Variants in ACYP2 observed in about 807,000 individuals in gnomAD.
ACYP2 encodes acylphosphatase 2.
A neutral mutation model predicts 11.2 loss-of-function variants in ACYP2; 12 were observed. The ratio of observed to expected loss-of-function variants is 1.08; its 90% confidence interval spans 0.69 to 1.74. ACYP2 has a LOEUF of 1.74. Ranked by LOEUF, ACYP2 falls within the 40% of genes most tolerant of loss-of-function variation. The probability of loss-of-function intolerance (pLI) is 0.00; values close to 1 mark genes in which losing one functional copy is unlikely to be tolerated. For missense variants in ACYP2, 134 were observed against 101.9 expected, an observed-to-expected ratio of 1.31 and a Z score of -1.35; for synonymous variants, 43 against 32.2, an observed-to-expected ratio of 1.33 and a Z score of -1.13.
intron 6 of ACYP2, among the ~76,000 whole-genome samples, chr2:54,226,607 C>G (rs2103959293): frequency 6.6e-6 from 1 of 152,292 alleles, no homozygotes; most frequent in East Asian, 1.9e-4. Context: ...GTAATCAATC[C>G]TTAAGTGAAA....
rs903313206 is a variant in ACYP2 at position 54,251,571 on chromosome 2, A to G, written c.405-53117A>G. On this transcript the variant is annotated intron_variant, in intron 6 of 6. Coordinates refer to ENST00000607452, the MANE Select transcript of ACYP2 (RefSeq NM_001320586.2). ...ACCATCTCTTACTTCCTTCCAATCAATAGGTACTTACCACCCTAAAAGTTT... is the reference window on the plus strand; with the variant it reads ...ACCATCTCTTACTTCCTTCCAATCAGTAGGTACTTACCACCCTAAAAGTTT... Among the ~76,000 whole-genome samples the G allele has an allele frequency of 5.9e-5, 8 of 134,858 alleles. No homozygotes were observed. In the South Asian group the frequency reaches 1.3e-3, roughly 22 times the overall value. 88.5% of individuals were successfully genotyped at this position (134,858 alleles called of 152,430 possible).
chr2:54,226,250 A>G (rs999744037), intron 6 of ACYP2, among the ~76,000 whole-genome samples: 1 of 152,216 alleles, frequency 6.6e-6, no homozygotes, highest in Non-Finnish European at 1.5e-5. Flanking sequence ...AAAAATATTT[A>G]AATACCCAAG....
intron 6 of ACYP2, among the ~76,000 whole-genome samples, chr2:54,301,649 A>G (rs1282174739): frequency 1.3e-5 from 2 of 152,204 alleles, no homozygotes; most frequent in Non-Finnish European, 2.9e-5. Flanking sequence ...ATATATATGT[A>G]TACATACACA....
chr2:54,176,268 C>T (rs928302430), intron 6 of ACYP2, among the ~76,000 whole-genome samples: 1 of 152,172 alleles, frequency 6.6e-6, no homozygotes, highest in African/African-American at 2.4e-5. Context: ...CGGTTATGCC[C>T]TTAAAGGGAA....
In ACYP2 at chr2:54,235,639, C is replaced by T. The variant is rs144974920; in HGVS notation, c.405-69049C>T. 2.5e-3 allele frequency among the ~76,000 whole-genome samples: 382 copies of T among 152,262 alleles called. 13 individuals carry two copies. In the East Asian group the frequency reaches 0.066, roughly 27 times the overall value. On this transcript the variant is annotated intron_variant, in intron 6 of 6. Transcript: ENST00000607452. Reference sequence around the variant, plus strand: ...TACTGGGATTACAGGCGTGAGCCACCGCGCCTGGCCAACCTATAGGGTTTT... The same window carrying T: ...TACTGGGATTACAGGCGTGAGCCACTGCGCCTGGCCAACCTATAGGGTTTT...
chr2:54,291,909 T>C (rs1573061661), intron 6 of ACYP2, among the ~76,000 whole-genome samples: 1 of 152,350 alleles, frequency 6.6e-6, no homozygotes, highest in Non-Finnish European at 1.5e-5. Flanking sequence ...GTAGAAACTT[T>C]AGGAATTTTC....
At chr2:54,238,584 A>T (rs560643956) in intron 6 of ACYP2, among the ~76,000 whole-genome samples, 3 of 152,188 alleles carry the variant, frequency 2.0e-5, no homozygotes, top group African/African-American at 7.2e-5. Flanking sequence ...TAAAATAGCA[A>T]AATGAAATAT....
chr2:54,061,574 T>G lies in ACYP2; in HGVS notation c.277+4214T>G, dbSNP rs145626224. On this transcript the variant is annotated intron_variant, in intron 4 of 6. Transcript: ENST00000607452. ...TTTGTTGGACATACTAGAAACCAACTCTGATTGGCTTTAGCATAAAAGGGT... is the reference window on the plus strand; with the variant it reads ...TTTGTTGGACATACTAGAAACCAACGCTGATTGGCTTTAGCATAAAAGGGT... Among the ~76,000 whole-genome samples the G allele has an allele frequency of 3.3e-3, 501 of 152,356 alleles. 5 individuals carry two copies. Among genetic ancestry groups the G allele is most frequent in the African/African-American group, 0.012 (480 of 41,576 alleles).
At chr2:54,072,989 A>G (rs1338323159) in intron 4 of ACYP2, among the ~76,000 whole-genome samples, 1 of 152,240 alleles carries the variant, frequency 6.6e-6, no homozygotes, top group East Asian at 1.9e-4. Flanking sequence ...TTCAAGACTT[A>G]CTACAAAGGT....
At position 54,305,165 on chromosome 2, in the gene ACYP2, T is replaced by A. The variant is rs1689871351; in HGVS notation, c.*363T>A. On this transcript the variant is annotated 3_prime_UTR_variant, in exon 7 of 7. Coordinates refer to ENST00000607452, the MANE Select transcript of ACYP2 (RefSeq NM_001320586.2). ...AATTATTTTCATATACTGTTGTCTA[T>A]GTTGAATTATAAAATCCTCTGAATA... 6.4e-6 allele frequency: 1 copy of A among 155,908 alleles called. No homozygotes were observed. Among genetic ancestry groups the A allele is most frequent in the Non-Finnish European group, 1.4e-5 (1 of 70,552 alleles). 9.7% of individuals were successfully genotyped at this position (155,908 alleles called of 1,614,324 possible).
chr2:54,026,007 C>T (rs1200274449), intron 2 of ACYP2, among the ~76,000 whole-genome samples: 2 of 152,158 alleles, frequency 1.3e-5, no homozygotes, highest in Non-Finnish European at 2.9e-5. Flanking sequence ...GTCCCAGCTA[C>T]TTGGGAGGGT....
chr2:54,165,684 T>G (rs960371925), intron 6 of ACYP2, among the ~76,000 whole-genome samples: 2 of 152,120 alleles, frequency 1.3e-5, no homozygotes, highest in African/African-American at 4.8e-5. Context: ...TGATCTGACC[T>G]GATCATTGGT....
chr2:54,232,583 T>A (rs111491335), intron 6 of ACYP2, among the ~76,000 whole-genome samples: 1 of 152,274 alleles, frequency 6.6e-6, no homozygotes, highest in African/African-American at 2.4e-5. Context: ...AGGAAATGGG[T>A]ATTAGTCCAT....
chr2:54,133,077 A>T (rs957284248), intron 4 of ACYP2, among the ~76,000 whole-genome samples: 1 of 152,136 alleles, frequency 6.6e-6, no homozygotes, highest in African/African-American at 2.4e-5. Context: ...ACAGTCATGT[A>T]ATCCTCACCA....
chr2:54,259,000 G>C (rs1424533978), intron 6 of ACYP2, among the ~76,000 whole-genome samples: 1 of 152,202 alleles, frequency 6.6e-6, no homozygotes, highest in African/African-American at 2.4e-5. Context: ...ATTCCCATGA[G>C]AAGTTATCCA....
In ACYP2 at chr2:54,304,863, T is replaced by C. The variant is rs1311007182; in HGVS notation, c.*61T>C. 1 of 942,464 alleles carries C rather than the reference T, an allele frequency of 1.1e-6. No homozygotes were observed. The highest frequency in any genetic ancestry group is 1.7e-5 in the African/African-American group (1 of 60,306). The allele number at this position is 942,464 out of a possible 1,614,324, so 58.4% of individuals were successfully genotyped here. A position where few individuals can be genotyped will look rare whatever the true frequency, so the allele number is the denominator to read the frequency against. The stretch of plus-strand genomic sequence containing the variant: ...TACTGTATGTTCTTAAGACTATGTA[T>C]ACTAGAATAATAGTAGCAGAGTAGG... On this transcript the variant is annotated 3_prime_UTR_variant, in exon 7 of 7. Transcript: ENST00000607452.
At position 54,275,521 on chromosome 2, in the gene ACYP2, C is replaced by A. The variant is rs116601192; in HGVS notation, c.405-29167C>A. 2.2e-3 allele frequency among the ~76,000 whole-genome samples: 334 copies of A among 152,284 alleles called. 2 individuals carry two copies. Among genetic ancestry groups the A allele is most frequent in the African/African-American group, 7.8e-3 (323 of 41,568 alleles). ...TATTAGGTCAGGAGAGAAAACATTT[C>A]TTTAGAACCTTTTCCATAAAATCAG... On this transcript the variant is annotated intron_variant, in intron 6 of 6. Transcript: ENST00000607452.
At chr2:54,302,819 C>T (rs1689776946) in intron 6 of ACYP2, among the ~76,000 whole-genome samples, 1 of 152,182 alleles carries the variant, frequency 6.6e-6, no homozygotes, top group Non-Finnish European at 1.5e-5. Context: ...CTTCACTCCT[C>T]TCCTTTTCTC....
chr2:54,114,630 G>A (rs1278495836), intron 4 of ACYP2, among the ~76,000 whole-genome samples: 2 of 152,184 alleles, frequency 1.3e-5, no homozygotes, highest in African/African-American at 4.8e-5. Flanking sequence ...GCTGCTGTGA[G>A]CTGAGATTGC....
Sources: allele counts gnomAD v4.1 joint callset (sites outside exome capture counted in the v4.1 genomes callset), GRCh38; gene constraint gnomAD v4.1.1; transcripts MANE v1.5; gene names NCBI Gene and HGNC (gene_info 2026-07-23, HGNC 2026-07-21).